The following PLCG2 variants were observed in gnomAD, a reference collection of about 807,000 sequenced individuals.
The protein encoded by PLCG2 is phospholipase C gamma 2.
PLCG2 carries 69 observed loss-of-function variants against 175.6 expected under a neutral mutation model. The observed-to-expected ratio is 0.39, with a 90% CI of 0.32 to 0.48. The LOEUF (loss-of-function observed/expected upper bound fraction) is 0.48. PLCG2 is among the 20% of genes least tolerant of loss of function. The probability of loss-of-function intolerance (pLI) is 0.91; values close to 1 mark genes in which losing one functional copy is unlikely to be tolerated. For missense variants in PLCG2, 1,798 were observed against 1,650.9 expected (o/e 1.09, Z -1.54); for synonymous variants, 827 against 624.0 (o/e 1.33, Z -4.85).
At chr16:81,836,982 G>T (rs1023586811) in intron 2 of PLCG2, among the ~76,000 whole-genome samples, 3 of 152,170 alleles carry the variant, frequency 2.0e-5, no homozygotes, top group Non-Finnish European at 4.4e-5. Flanking sequence ...TTTCTCTGAA[G>T]CCGAAAGGTC....
chr16:81,893,593 T>C, intron 11 of PLCG2, 116 bp from the exon 12 acceptor site: 1 of 694,440 alleles, frequency 1.4e-6, no homozygotes, highest in Admixed American at 2.3e-5. Context: ...ATGGAAGAAC[T>C]CAGAGCTTTG....
intron 2 of PLCG2, among the ~76,000 whole-genome samples, chr16:81,768,797 C>T (rs1597308095): frequency 1.3e-5 from 2 of 152,018 alleles, no homozygotes; most frequent in Admixed American, 1.3e-4. Context: ...CAGCTCCTGA[C>T]CTCAGGTGAT....
chr16:81,848,612 C>T (rs1270686702), intron 2 of PLCG2, among the ~76,000 whole-genome samples: 1 of 152,142 alleles, frequency 6.6e-6, no homozygotes, highest in Non-Finnish European at 1.5e-5. Context: ...GTCCTTCTTC[C>T]TCTCTGTCCC....
intron 1 of PLCG2, among the ~76,000 whole-genome samples, chr16:81,746,085 T>C (rs908633003): frequency 6.6e-6 from 1 of 152,054 alleles, no homozygotes; most frequent in Non-Finnish European, 1.5e-5. Flanking sequence ...GAAAACTCAA[T>C]AGGCAAGAGG....
chr16:81,859,551 T>C (rs1906856663), intron 5 of PLCG2, among the ~76,000 whole-genome samples: 1 of 152,162 alleles, frequency 6.6e-6, no homozygotes, highest in Admixed American at 6.5e-5. Context: ...TTTTTTTTTT[T>C]TGAGACGGAG....
At chr16:81,897,519 T>A (rs985785666) in intron 13 of PLCG2, among the ~76,000 whole-genome samples, 2 of 149,070 alleles carry the variant, frequency 1.3e-5, no homozygotes, top group African/African-American at 2.5e-5. Context: ...ATCGATTATT[T>A]TTTCTCTTTT....
chr16:81,753,710 T>C (rs1468989315), intron 1 of PLCG2, among the ~76,000 whole-genome samples: 2 of 152,294 alleles, frequency 1.3e-5, no homozygotes, highest in East Asian at 3.9e-4. Flanking sequence ...CACCCAGCAG[T>C]GCTGACTTTT....
At chr16:81,875,538 A>G (rs558907513) in intron 7 of PLCG2, among the ~76,000 whole-genome samples, 1 of 152,260 alleles carries the variant, frequency 6.6e-6, no homozygotes, top group African/African-American at 2.4e-5. Flanking sequence ...ACAGACCCCC[A>G]TGTATCATCA....
chr16:81,795,774 A>C (rs372978206), intron 2 of PLCG2, among the ~76,000 whole-genome samples: 92 of 151,798 alleles, frequency 6.1e-4, no homozygotes, highest in African/African-American at 2.1e-3. Flanking sequence ...ATCACAGCTC[A>C]CTGCAGCCTT....
At chr16:81,748,004 A>G (rs1909737080) in intron 1 of PLCG2, among the ~76,000 whole-genome samples, 1 of 152,040 alleles carries the variant, frequency 6.6e-6, no homozygotes, top group South Asian at 2.1e-4. Context: ...CCTCCCAAGT[A>G]GCTGGGATTA....
In PLCG2 at chr16:81,869,374, C is replaced by A. The variant is rs1447645917; in HGVS notation, c.564+76C>A. ...CCTCTCTCATGAAGCCGTGGCTTGC[C>A]TTTGAGTTCCGTGGAATAGTGCACA... On this transcript the variant is annotated intron_variant, in intron 6 of 32. Transcript: ENST00000564138. 5 of 1,032,276 alleles carry A rather than the reference C, an allele frequency of 4.8e-6. No homozygotes were observed. In the East Asian group the frequency reaches 9.5e-5, roughly 20 times the overall value. The allele number at this position is 1,032,276 out of a possible 1,614,324, so 63.9% of individuals were successfully genotyped here.
intron 1 of PLCG2, among the ~76,000 whole-genome samples, chr16:81,785,247 C>T (rs895972915): frequency 6.6e-5 from 10 of 151,966 alleles, no homozygotes; most frequent in Non-Finnish European, 1.3e-4. Context: ...AGGTGCTGGC[C>T]GTCACCCCAG....
chr16:81,886,141 G>C (rs1228400780), intron 9 of PLCG2, among the ~76,000 whole-genome samples: 3 of 152,166 alleles, frequency 2.0e-5, no homozygotes, highest in African/African-American at 7.2e-5. Context: ...TCGCATCCTA[G>C]AATTCACCAC....
At chr16:81,776,678 GT>G (rs751518466), upstream of PLCG2, among the ~76,000 whole-genome samples, 72 of 152,274 alleles carry the variant, frequency 4.7e-4, no homozygotes, top group Non-Finnish European at 9.4e-4. Flanking sequence ...CCTCAGACTC[GT>G]GAGTAGCTGA....
intron 1 of PLCG2, among the ~76,000 whole-genome samples, chr16:81,749,589 A>G (rs1909767098): frequency 6.6e-6 from 1 of 152,170 alleles, no homozygotes; most frequent in Non-Finnish European, 1.5e-5. Flanking sequence ...CCTGACCTCA[A>G]GTGATCCATC....
At chr16:81,928,487 G>A in intron 23 of PLCG2, 71 bp from the exon 24 acceptor site, 1 of 955,356 alleles carries the variant, frequency 1.0e-6, no homozygotes, top group Non-Finnish European at 1.7e-6. Flanking sequence ...TAAACGGTGT[G>A]CTTTGGAAAC....
intron 2 of PLCG2, among the ~76,000 whole-genome samples, chr16:81,803,926 C>T (rs1047369261): frequency 1.3e-5 from 2 of 152,286 alleles, no homozygotes; most frequent in South Asian, 4.1e-4. Flanking sequence ...AAGTGATCCA[C>T]CTGCCTTGCC....
intron 2 of PLCG2, among the ~76,000 whole-genome samples, chr16:81,847,059 G>A (rs565886801): frequency 1.3e-5 from 2 of 152,318 alleles, no homozygotes. Flanking sequence ...CCAGTCACAA[G>A]CCCAAGTTGT....
intron 2 of PLCG2, among the ~76,000 whole-genome samples, chr16:81,788,081 C>T (rs73587677): frequency 0.05 from 7,572 of 152,078 alleles, 632 homozygotes; most frequent in African/African-American, 0.17. Flanking sequence ...TGGGTATATA[C>T]CTAGGAGTGG....
Sources: gnomAD v4.1 joint callset for allele counts (sites outside exome capture counted in the v4.1 genomes callset) on GRCh38, gnomAD v4.1.1 for gene constraint, MANE v1.5 for transcripts, NCBI Gene and HGNC (gene_info 2026-07-23, HGNC 2026-07-21) for gene names.